EIF3A: variants seen among roughly 807,000 people sequenced by gnomAD.
EIF3A encodes eukaryotic translation initiation factor 3 subunit A.
EIF3A carries 21 observed loss-of-function variants against 186.6 expected under a neutral mutation model. The observed-to-expected ratio is 0.11, with a 90% CI of 0.08 to 0.16. The LOEUF is 0.16. Ranked by LOEUF, EIF3A falls within the 10% of genes least tolerant of loss-of-function variation. The pLI, the probability that EIF3A is intolerant of heterozygous loss-of-function variation, is 1.00. For synonymous variants in EIF3A, 563 were observed against 584.3 expected (o/e 0.96, Z 0.52); for missense variants, 1,306 against 1,796.3 (o/e 0.73, Z 4.93).
At chr10:119,051,493 T>A (rs1848356049) in intron 14 of EIF3A, among the ~76,000 whole-genome samples, 172 bp from the exon 15 acceptor site, 2 of 152,110 alleles carry the variant, frequency 1.3e-5, no homozygotes, top group African/African-American at 4.8e-5. Context: ...AGAAGGCAAT[T>A]ACGGGCAAGA....
chr10:119,076,322 C>CAAA (rs10712381), intron 1 of EIF3A, among the ~76,000 whole-genome samples: 1 of 114,416 alleles, frequency 8.7e-6, no homozygotes, highest in East Asian at 2.5e-4. Context: ...AACAAGTCTC[C>CAAA]AAAAAAAAAA....
At position 119,035,303 on chromosome 10, in the gene EIF3A, C is replaced by A. The variant is rs1436527703; in HGVS notation, c.*736G>T. ...TTAAAATGCTTGAAAGGCATGAATT[C>A]TCCATTAATGGAAAAGCAGTTTGCT... On this transcript the variant is annotated 3_prime_UTR_variant, in exon 22 of 22. Coordinates refer to ENST00000369144, the MANE Select transcript of EIF3A (RefSeq NM_003750.4). 6.6e-6 allele frequency: 1 copy of A among 152,636 alleles called. No individual in the cohort carries two copies. Among genetic ancestry groups the A allele is most frequent in the African/African-American group, 2.4e-5 (1 of 41,454 alleles). The allele number at this position is 152,636 out of a possible 1,614,324, so 9.5% of individuals were successfully genotyped here.
intron 7 of EIF3A, among the ~76,000 whole-genome samples, chr10:119,064,093 A>C (rs1843932291): frequency 2.0e-5 from 3 of 152,096 alleles, no homozygotes; most frequent in East Asian, 1.9e-4. Context: ...AACAACAACA[A>C]CACGTCTTAG....
At chr10:119,066,870 T>A (rs1843989641) in intron 6 of EIF3A, among the ~76,000 whole-genome samples, 1 of 152,190 alleles carries the variant, frequency 6.6e-6, no homozygotes, top group African/African-American at 2.4e-5. Flanking sequence ...ATTGTAGTAC[T>A]CTCTGAAGGC....
intron 7 of EIF3A, among the ~76,000 whole-genome samples, chr10:119,064,022 T>C (rs1843931075): frequency 6.6e-6 from 1 of 152,146 alleles, no homozygotes; most frequent in Non-Finnish European, 1.5e-5. Flanking sequence ...GGGGTTACAG[T>C]GAACTGAAAT....
intron 17 of EIF3A, among the ~76,000 whole-genome samples, chr10:119,046,867 G>C (rs758816516): frequency 3.3e-5 from 5 of 152,150 alleles, no homozygotes; most frequent in African/African-American, 4.8e-5. Flanking sequence ...TGAGGCAGGA[G>C]AATCACTTGA....
At chr10:119,046,496 G>GT (rs1848284072) in intron 17 of EIF3A, among the ~76,000 whole-genome samples, 1 of 152,180 alleles carries the variant, frequency 6.6e-6, no homozygotes, top group African/African-American at 2.4e-5. Context: ...TAAAGTAACT[G>GT]TTAAGTGAGT....
At position 119,039,945 on chromosome 10, in the gene EIF3A, G is replaced by A. The variant is rs1031968142; in HGVS notation, c.3527-1506C>T. ...CCTTGTATTTACCCTAGGAACATGA[G>A]TTCAGTATTCATGGCAACTGTATAA... is the stretch of plus-strand genomic sequence containing the variant. On this transcript the variant is annotated intron_variant, in intron 19 of 21. Coordinates refer to ENST00000369144, the MANE Select transcript of EIF3A (RefSeq NM_003750.4). 3.9e-5 allele frequency among the ~76,000 whole-genome samples: 6 copies of A among 152,266 alleles called. No homozygotes were observed. In the East Asian group the frequency reaches 1.2e-3, roughly 29 times the overall value.
chr10:119,080,768 A>C lies in EIF3A; in HGVS notation c.-92T>G. 1 of 1,488,058 alleles carries C rather than the reference A, an allele frequency of 6.7e-7. No individual in the cohort carries two copies. Among genetic ancestry groups the C allele is most frequent in the Non-Finnish European group, 9.0e-7 (1 of 1,116,328 alleles). The allele number at this position is 1,488,058 out of a possible 1,614,324, so 92.2% of individuals were successfully genotyped here. A position where few individuals can be genotyped will look rare whatever the true frequency, so the allele number is the denominator to read the frequency against. The stretch of plus-strand genomic sequence containing the variant: ...CGAAGGGGAACCAGCGTAAGGTCCC[A>C]CGCGCCTCGCCAGCAGTCGCCCGCG... On this transcript the variant is annotated 5_prime_UTR_variant, in exon 1 of 22. Transcript: ENST00000369144.
chr10:119,070,308 T>C (rs1196979852), intron 5 of EIF3A, among the ~76,000 whole-genome samples: 1 of 152,144 alleles, frequency 6.6e-6, no homozygotes, highest in East Asian at 1.9e-4. Context: ...ACCATCAAGA[T>C]CTCCAATGCA....
chr10:119,077,309 G>C (rs1310048005), intron 1 of EIF3A, among the ~76,000 whole-genome samples: 4 of 151,852 alleles, frequency 2.6e-5, no homozygotes, highest in Non-Finnish European at 4.4e-5. Flanking sequence ...AAATTAGCTG[G>C]GCATGGTGGG....
chr10:119,042,648 G>A lies in EIF3A; in HGVS notation c.2872C>T (p.Pro958Ser), dbSNP rs762264416. ...CTGTCATCATCCATGCCACGCCGGG[G>A]AACCCGATCATCGTCTGGTCTAAGA... ...PSLRPDDDRV[P>S]RRGMDDDRGP... The change falls in exon 19 of 22, where the codon CCC becomes TCC. Residue 958 changes from proline (P) to serine (S), a missense_variant. By Grantham distance (74) the Pro-to-Ser change is moderately conservative. This residue lies in a region of EIF3A where 410 missense variants were observed against 473.5 expected (regional missense o/e 0.87). Transcript: ENST00000369144. This position sits in a 1 kb window ranked among gnomAD's most constrained non-coding sequence, Gnocchi z 7.8. 6.9e-5 allele frequency: 111 copies of A among 1,614,010 alleles called. 1 individual carries two copies. In the Middle Eastern group the frequency reaches 9.9e-4, roughly 14 times the overall value.
chr10:119,073,984 A>T, intron 1 of EIF3A, 47 bp from the exon 2 acceptor site: 1 of 1,433,448 alleles, frequency 7.0e-7, no homozygotes, highest in Non-Finnish European at 9.3e-7. Flanking sequence ...ACTATACAAG[A>T]GTCTAAACTT....
chr10:119,060,434 A>T (rs1488402045), intron 9 of EIF3A, among the ~76,000 whole-genome samples: 1 of 152,232 alleles, frequency 6.6e-6, no homozygotes, highest in Non-Finnish European at 1.5e-5. Flanking sequence ...GAAAAAAAAA[A>T]TCTAGGAATA....
intron 1 of EIF3A, among the ~76,000 whole-genome samples, chr10:119,077,009 C>A (rs547780835): frequency 1.3e-5 from 2 of 151,276 alleles, no homozygotes; most frequent in Non-Finnish European, 2.9e-5. Flanking sequence ...AGTCTCTTAT[C>A]AGCAAAAAAC....
chr10:119,043,905 A>C (rs538028036), intron 18 of EIF3A, 149 bp downstream of exon 18: 1 of 639,794 alleles, frequency 1.6e-6, no homozygotes, highest in Middle Eastern at 3.4e-4. Context: ...ACCCAAAAAA[A>C]CAAAATACAA....
chr10:119,070,444 C>CA (rs1424914467), intron 5 of EIF3A, among the ~76,000 whole-genome samples: 4 of 152,110 alleles, frequency 2.6e-5, no homozygotes, highest in Non-Finnish European at 5.9e-5. Flanking sequence ...ATATAAAATA[C>CA]AAAATTACCA....
chr10:119,036,847 T>G (rs1218927843), intron 21 of EIF3A, among the ~76,000 whole-genome samples: 3 of 152,244 alleles, frequency 2.0e-5, no homozygotes, highest in African/African-American at 7.2e-5. Flanking sequence ...AAGCTGCTTT[T>G]AAATAACAAT....
At chr10:119,047,645 T>C (rs886605837) in intron 17 of EIF3A, among the ~76,000 whole-genome samples, 6 of 152,180 alleles carry the variant, frequency 3.9e-5, no homozygotes, top group Non-Finnish European at 7.3e-5. Context: ...AAAACAGCGC[T>C]GATTTCATGC....
Sources: allele counts gnomAD v4.1 joint callset (sites outside exome capture counted in the v4.1 genomes callset), GRCh38; gene constraint gnomAD v4.1.1; regional missense constraint gnomAD v4.1.1; non-coding constraint Gnocchi (gnomAD v3.1); transcripts MANE v1.5; gene names NCBI Gene and HGNC (gene_info 2026-07-23, HGNC 2026-07-21).